ZNF410: variants seen among roughly 807,000 people sequenced by gnomAD.
ZNF410 encodes another partner for ARF 1.
A neutral mutation model predicts 54.8 loss-of-function variants in ZNF410; 18 were observed. The ratio of observed to expected loss-of-function variants is 0.33; its 90% CI spans 0.23 to 0.49. The LOEUF is 0.49. Ranked by LOEUF, ZNF410 falls within the 20% of genes least tolerant of loss-of-function variation. The pLI is 0.99. For missense variants in ZNF410, 405 were observed against 569.6 expected (o/e 0.71, Z 2.94); for synonymous variants, 191 against 207.3 (o/e 0.92, Z 0.68).
At chr14:73,894,353 T>C in intron 3 of ZNF410, 1 of 702,392 alleles carries the variant, frequency 1.4e-6, no homozygotes, top group South Asian at 1.5e-5. Context: ...TTATTGACTT[T>C]GGCAGAACCT....
At chr14:73,893,563 C>T (rs2055263772) in intron 2 of ZNF410, 1 of 423,074 alleles carries the variant, frequency 2.4e-6, no homozygotes, top group Non-Finnish European at 4.1e-6. Flanking sequence ...GACCATCATC[C>T]TATATGTGGT....
At chr14:73,924,699 CAG>C (rs1321461222) in intron 11 of ZNF410, 6 of 445,922 alleles carry the variant, frequency 1.3e-5, no homozygotes, top group Admixed American at 7.5e-5. Context: ...TTTTTTGAGA[CAG>C]AGTCTCGCTC....
chr14:73,913,013 A>G (rs1040586430), intron 8 of ZNF410: 2 of 151,116 alleles, frequency 1.3e-5, no homozygotes, highest in East Asian at 2.0e-4. Context: ...TCCATTAGCT[A>G]TTCATCCTGA....
intron 1 of ZNF410, among the ~76,000 whole-genome samples, chr14:73,890,453 G>T (rs1021855003): frequency 6.6e-6 from 1 of 152,070 alleles, no homozygotes; most frequent in Non-Finnish European, 1.5e-5. Context: ...CTCCCAAAGT[G>T]CTGGGTTTAC....
chr14:73,906,698 C>G (rs375716785), intron 7 of ZNF410, among the ~76,000 whole-genome samples: 1 of 151,828 alleles, frequency 6.6e-6, no homozygotes, highest in East Asian at 1.9e-4. Flanking sequence ...AGGCTGTTCT[C>G]GAATTCCTGA....
chr14:73,908,839 T>A (rs2055532530), intron 7 of ZNF410, among the ~76,000 whole-genome samples: 1 of 151,970 alleles, frequency 6.6e-6, no homozygotes, highest in Admixed American at 6.6e-5. Context: ...CTTTTTTGTT[T>A]GTTTGTTTTT....
Position 73,922,048 on chromosome 14 carries a change from A to G in ZNF410, c.1130-18A>G, listed in dbSNP as rs771640016. ...GCCTTGATTGCTGTATGTCTCTCAC[A>G]ACCTATTCTCTGTGCAGCTGAGCCA... On this transcript the variant is annotated intron_variant, in intron 9 of 11. Transcript: ENST00000555044. The G allele has an allele frequency of 1.2e-6, 2 of 1,613,428 alleles. No individual in the cohort carries two copies. The highest frequency in any genetic ancestry group is 2.2e-5 in the South Asian group (2 of 91,024).
intron 8 of ZNF410, chr14:73,920,373 T>C (rs145761987): frequency 3.4e-4 from 52 of 152,406 alleles, no homozygotes; most frequent in African/African-American, 1.3e-3. Context: ...CTAGGTACTC[T>C]CTAGGTTACT....
At chr14:73,915,883 TGGTC>T (rs1231842067) in intron 8 of ZNF410, 1 of 152,192 alleles carries the variant, frequency 6.6e-6, no homozygotes, top group Non-Finnish European at 1.5e-5. Context: ...AAATCCCATT[TGGTC>T]AGGGTGTATA....
intron 7 of ZNF410, among the ~76,000 whole-genome samples, chr14:73,905,966 C>CATATATATATAT (rs1197338487): frequency 6.0e-5 from 4 of 66,620 alleles, no homozygotes; most frequent in East Asian, 4.7e-4. Flanking sequence ...CACACACACA[C>CATATATATATAT]ACATATATAT....
chr14:73,913,962 CA>C (rs1442017967), intron 8 of ZNF410: 1 of 152,128 alleles, frequency 6.6e-6, no homozygotes, highest in African/African-American at 2.4e-5. Flanking sequence ...GTGTTTTCTA[CA>C]TAAAAGATCA....
rs201025600 is a variant in ZNF410 at position 73,891,708 on chromosome 14, T to TGG, written c.-149-315_-149-314dup. On this transcript the variant is annotated intron_variant, in intron 1 of 11. Transcript: ENST00000555044. ...CATATTTAATCAACCATTCCCTAAT[T>TGG]GGGGGTGTGTGTGTGTGTATACATT... 471 of 281,900 alleles carry TGG rather than the reference T, an allele frequency of 1.7e-3. 2 individuals are homozygous for TGG. The highest frequency in any genetic ancestry group is 0.01 in the African/African-American group (449 of 44,654). The allele number at this position is 281,900 out of a possible 1,614,324, so 17.5% of individuals were successfully genotyped here.
chr14:73,923,787 C>T (rs1436602201), intron 11 of ZNF410, among the ~76,000 whole-genome samples: 1 of 152,170 alleles, frequency 6.6e-6, no homozygotes, highest in Non-Finnish European at 1.5e-5. Flanking sequence ...CCACTATTCT[C>T]TGCCACACTA....
At chr14:73,896,066 G>A (rs2055312457) in intron 3 of ZNF410, 2 of 480,374 alleles carry the variant, frequency 4.2e-6, no homozygotes, top group Non-Finnish European at 7.4e-6. Flanking sequence ...AATGTTGAAT[G>A]GTTGGTTATT....
chr14:73,892,053 A>G lies in ZNF410; in HGVS notation c.-123A>G. 2.7e-6 allele frequency: 3 copies of G among 1,120,408 alleles called. No homozygotes were observed. Among genetic ancestry groups the G allele is most frequent in the Non-Finnish European group, 4.1e-6 (3 of 731,304 alleles). 69.4% of individuals were successfully genotyped at this position (1,120,408 alleles called of 1,614,324 possible). On this transcript the variant is annotated 5_prime_UTR_variant, in exon 2 of 12. Transcript: ENST00000555044. ...TTACATTGATTACCCACCTAGTACA[A>G]CATCTTACGGGAAGAGCATAGTATT... is the stretch of plus-strand genomic sequence containing the variant.
At chr14:73,890,582 C>A (rs2055213665) in intron 1 of ZNF410, among the ~76,000 whole-genome samples, 1 of 152,126 alleles carries the variant, frequency 6.6e-6, no homozygotes. Context: ...TGAAAATATA[C>A]CCATCCTGGA....
chr14:73,890,384 C>T (rs1236337467), intron 1 of ZNF410, among the ~76,000 whole-genome samples: 5 of 151,244 alleles, frequency 3.3e-5, no homozygotes, highest in East Asian at 2.0e-4. Context: ...GACGGGGTTT[C>T]GCCATATTGG....
intron 2 of ZNF410, 61 bp from the exon 3 acceptor site, chr14:73,893,736 C>T: frequency 6.5e-7 from 1 of 1,527,078 alleles, no homozygotes. Flanking sequence ...TTGGTAAATT[C>T]AAAGGTTTAG....
chr14:73,926,837 A>G (rs2055840382), intron 11 of ZNF410, among the ~76,000 whole-genome samples: 1 of 152,176 alleles, frequency 6.6e-6, no homozygotes, highest in Admixed American at 6.5e-5. Flanking sequence ...ATTTCCTAAA[A>G]ACTGGTAGTT....
Sources: allele counts gnomAD v4.1 joint callset (sites outside exome capture counted in the v4.1 genomes callset), GRCh38; gene constraint gnomAD v4.1.1; transcripts MANE v1.5; gene names NCBI Gene and HGNC (gene_info 2026-07-23, HGNC 2026-07-21).